Variants in ARHGAP28 observed in about 807,000 individuals in gnomAD.
The protein encoded by ARHGAP28 is rho GTPase-activating protein 28.
In ARHGAP28, 56 loss-of-function variants were observed where a neutral mutation model predicts 90.7. The ratio of observed to expected loss-of-function variants is 0.62; its 90% CI spans 0.50 to 0.77. The LOEUF is 0.77. Among genes scored for constraint, ARHGAP28 ranks in the 30% least tolerant of loss-of-function variants. ARHGAP28 has a pLI of 0.00. For synonymous variants in ARHGAP28, 308 were observed against 323.3 expected (o/e 0.95, Z 0.51); for missense variants, 869 against 900.9 (o/e 0.96, Z 0.45).
chr18:6,841,210 T>TCTCTC (rs1600235862), intron 3 of ARHGAP28, among the ~76,000 whole-genome samples: 8 of 94,370 alleles, frequency 8.5e-5, no homozygotes, highest in South Asian at 3.7e-4. Context: ...TCTCCTCTCC[T>TCTCTC]CTCTCTCTCT....
In ARHGAP28 at chr18:6,841,203, C is replaced by CTCTCT. The variant is rs754874496; in HGVS notation, c.543+3789_543+3790insTCTCT. On this transcript the variant is annotated intron_variant, in intron 3 of 17. Coordinates refer to ENST00000383472, the MANE Select transcript of ARHGAP28 (RefSeq NM_001366230.1). ...CTCCTCTCTCTCTCTCTCTCTCTCTCCTCTCCTCTCTCTCTCTCTCCCCCC... is the reference window on the plus strand; with the variant it reads ...CTCCTCTCTCTCTCTCTCTCTCTCTCTCTCTCTCTCCTCTCTCTCTCTCTCCCCCC... 7.6e-4 allele frequency among the ~76,000 whole-genome samples: 32 copies of CTCTCT among 41,964 alleles called. 1 individual carries two copies. Among genetic ancestry groups the CTCTCT allele is most frequent in the African/African-American group, 1.8e-3 (16 of 8,662 alleles). The allele number at this position is 41,964 out of a possible 152,430, so 27.5% of individuals were successfully genotyped here.
chr18:6,825,998 T>C (rs1179831918), intron 2 of ARHGAP28, among the ~76,000 whole-genome samples: 1 of 152,190 alleles, frequency 6.6e-6, no homozygotes, highest in East Asian at 1.9e-4. Flanking sequence ...GGTCAAATGG[T>C]AGCTCTATTT....
At chr18:6,863,804 C>T (rs1220384642) in intron 5 of ARHGAP28, among the ~76,000 whole-genome samples, 3 of 137,266 alleles carry the variant, frequency 2.2e-5, no homozygotes, top group South Asian at 2.3e-4. Context: ...TTTTTTTTGA[C>T]GGAGTTTTGC....
intron 1 of ARHGAP28, among the ~76,000 whole-genome samples, chr18:6,788,099 C>G (rs2056379328): frequency 6.6e-6 from 1 of 152,128 alleles, no homozygotes; most frequent in Non-Finnish European, 1.5e-5. Context: ...ATCTGCAGTG[C>G]TGGTGGTGGG....
At chr18:6,911,085 C>T (rs2057396221) in intron 17 of ARHGAP28, among the ~76,000 whole-genome samples, 1 of 152,044 alleles carries the variant, frequency 6.6e-6, no homozygotes, top group African/African-American at 2.4e-5. Context: ...CCGCCCACCT[C>T]GGCCTCCCAA....
At chr18:6,733,911 G>A (rs956580275) in intron 1 of ARHGAP28, among the ~76,000 whole-genome samples, 1 of 152,154 alleles carries the variant, frequency 6.6e-6, no homozygotes, top group African/African-American at 2.4e-5. Flanking sequence ...TACCTTCTGT[G>A]TTTAGCACCT....
At chr18:6,821,109 G>T (rs1027079260) in intron 1 of ARHGAP28, among the ~76,000 whole-genome samples, 1 of 152,168 alleles carries the variant, frequency 6.6e-6, no homozygotes, top group Non-Finnish European at 1.5e-5. Context: ...AATATAAAGG[G>T]TAGAGGGAGA....
In ARHGAP28 at chr18:6,777,748, GAGTGAA is replaced by G. The variant is rs1185826887; in HGVS notation, c.123-47013_123-47008del. Reference sequence around the variant, plus strand: ...TCAATGAATGAATGAATGAATGAATGAGTGAATGAATGAATGAATGAATAAAACAGT... The same window carrying G: ...TCAATGAATGAATGAATGAATGAATGTGAATGAATGAATGAATAAAACAGT... On this transcript the variant is annotated intron_variant, in intron 1 of 17. Coordinates refer to ENST00000383472, the MANE Select transcript of ARHGAP28 (RefSeq NM_001366230.1). 3.5e-4 allele frequency among the ~76,000 whole-genome samples: 53 copies of G among 150,788 alleles called. 1 individual carries two copies. Among genetic ancestry groups the G allele is most frequent in the African/African-American group, 1.0e-3 (43 of 41,434 alleles).
intron 17 of ARHGAP28, among the ~76,000 whole-genome samples, chr18:6,909,599 G>A (rs1208473496): frequency 1.3e-5 from 2 of 151,894 alleles, no homozygotes; most frequent in African/African-American, 2.4e-5. Flanking sequence ...GGCTGGCTTC[G>A]GTCTTTTCAG....
chr18:6,746,869 G>A (rs1173479493), intron 1 of ARHGAP28, among the ~76,000 whole-genome samples: 3 of 152,114 alleles, frequency 2.0e-5, no homozygotes. Context: ...ACTTAACCAG[G>A]GGTCAGCCAA....
At chr18:6,900,669 C>A in intron 16 of ARHGAP28, among the ~76,000 whole-genome samples, 1 of 149,758 alleles carries the variant, frequency 6.7e-6, no homozygotes, top group Non-Finnish European at 1.5e-5. Context: ...CCTCAGGGAC[C>A]TACGGGAGTC....
At chr18:6,904,210 A>G (rs1043135169) in intron 16 of ARHGAP28, among the ~76,000 whole-genome samples, 2 of 152,160 alleles carry the variant, frequency 1.3e-5, no homozygotes, top group Non-Finnish European at 2.9e-5. Context: ...CCTGGCCAAC[A>G]TGGCGAACCC....
At chr18:6,785,806 C>T (rs1181809473) in intron 1 of ARHGAP28, among the ~76,000 whole-genome samples, 1 of 152,104 alleles carries the variant, frequency 6.6e-6, no homozygotes, top group Non-Finnish European at 1.5e-5. Context: ...TTTCCAGTGG[C>T]TAATACCATA....
At chr18:6,798,250 A>G (rs1031032881) in intron 1 of ARHGAP28, among the ~76,000 whole-genome samples, 4 of 152,088 alleles carry the variant, frequency 2.6e-5, no homozygotes, top group African/African-American at 9.7e-5. Flanking sequence ...CTGCAGTGCA[A>G]TGGCGCAATC....
At chr18:6,878,930 AAACTCC>A (rs1180983239) in intron 10 of ARHGAP28, among the ~76,000 whole-genome samples, 1 of 152,204 alleles carries the variant, frequency 6.6e-6, no homozygotes, top group Non-Finnish European at 1.5e-5. Flanking sequence ...AAACTACTAA[AAACTCC>A]ATTATAATTA....
intron 3 of ARHGAP28, among the ~76,000 whole-genome samples, chr18:6,842,611 G>A (rs188109148): frequency 5.3e-5 from 8 of 151,986 alleles, no homozygotes; most frequent in East Asian, 3.9e-4. Context: ...TTCCATTGTC[G>A]TTGCTCTGTT....
At chr18:6,896,086 G>A (rs1401805998) in intron 15 of ARHGAP28, among the ~76,000 whole-genome samples, 1 of 152,204 alleles carries the variant, frequency 6.6e-6, no homozygotes, top group East Asian at 1.9e-4. Context: ...AAGAAATAGG[G>A]TATTGGAGAA....
intron 9 of ARHGAP28, 66 bp downstream of exon 9, chr18:6,873,841 AC>A: frequency 1.5e-6 from 2 of 1,322,178 alleles, no homozygotes; most frequent in Non-Finnish European, 2.1e-6. Flanking sequence ...CACTTTGTAA[AC>A]CCACAAATGA....
At chr18:6,759,379 T>G (rs1471887991) in intron 1 of ARHGAP28, among the ~76,000 whole-genome samples, 5 of 152,230 alleles carry the variant, frequency 3.3e-5, no homozygotes. Flanking sequence ...TGTTTAGATG[T>G]AGTTTTTATT....
Sources: gnomAD v4.1 joint callset for allele counts (sites outside exome capture counted in the v4.1 genomes callset) on GRCh38, gnomAD v4.1.1 for gene constraint, MANE v1.5 for transcripts, NCBI Gene and HGNC (gene_info 2026-07-23, HGNC 2026-07-21) for gene names.